Variants in GABRA5 observed in about 807,000 individuals in gnomAD.
GABRA5 encodes the protein gamma-aminobutyric acid type A receptor subunit alpha5.
GABRA5 carries 18 observed loss-of-function variants against 47.3 expected under a neutral mutation model. The ratio of observed to expected loss-of-function variants is 0.38; its 90% CI spans 0.26 to 0.56. The LOEUF is 0.56. Among genes scored for constraint, GABRA5 ranks in the 20% least tolerant of loss-of-function variants. The pLI, the probability that GABRA5 is intolerant of heterozygous loss-of-function variation, is 0.71. For synonymous variants in GABRA5, 237 were observed against 229.3 expected (o/e 1.03, Z -0.30); for missense variants, 365 against 599.3 (o/e 0.61, Z 4.08).
intron 6 of GABRA5, among the ~76,000 whole-genome samples, chr15:26,890,341 C>T (rs1256633777): frequency 6.6e-6 from 1 of 152,130 alleles, no homozygotes; most frequent in East Asian, 1.9e-4. Flanking sequence ...AAATTTCTGC[C>T]CATTTTGCTA....
At chr15:26,875,884 C>T (rs1042573928) in intron 3 of GABRA5, among the ~76,000 whole-genome samples, 13 of 152,016 alleles carry the variant, frequency 8.6e-5, no homozygotes, top group African/African-American at 2.9e-4. Flanking sequence ...GTGACTTAAA[C>T]GTTGAAGCTC....
At chr15:26,918,925 G>A (rs532690108) in intron 7 of GABRA5, among the ~76,000 whole-genome samples, 3 of 152,156 alleles carry the variant, frequency 2.0e-5, no homozygotes, top group Non-Finnish European at 4.4e-5. Context: ...GATTGCTTGA[G>A]CCCAGGAGTT....
chr15:26,939,886 C>T, intron 8 of GABRA5, 39 bp from the exon 9 acceptor site: 1 of 1,610,132 alleles, frequency 6.2e-7, no homozygotes, highest in Non-Finnish European at 8.5e-7. Flanking sequence ...CAAGCAGAGA[C>T]TCTAGGGGAC....
chr15:26,892,135 C>G (rs1405708115), intron 6 of GABRA5, among the ~76,000 whole-genome samples: 1 of 152,256 alleles, frequency 6.6e-6, no homozygotes, highest in African/African-American at 2.4e-5. Flanking sequence ...CAAAGTGTTT[C>G]CCGGTTGGCC....
At chr15:26,900,759 T>G (rs1893308125) in intron 6 of GABRA5, among the ~76,000 whole-genome samples, 1 of 152,062 alleles carries the variant, frequency 6.6e-6, no homozygotes. Flanking sequence ...TGGCGTACAT[T>G]CTGTGTGTTC....
At chr15:26,895,869 G>GT (rs963463883) in intron 6 of GABRA5, among the ~76,000 whole-genome samples, 2 of 150,922 alleles carry the variant, frequency 1.3e-5, no homozygotes, top group Non-Finnish European at 2.9e-5. Flanking sequence ...AGTGAAAAGA[G>GT]TTTTTTTCAC....
chr15:26,915,237 C>T (rs936053689), intron 7 of GABRA5, among the ~76,000 whole-genome samples: 2 of 152,134 alleles, frequency 1.3e-5, no homozygotes, highest in Non-Finnish European at 2.9e-5. Flanking sequence ...TGACCAGTGC[C>T]CAGTACTCAG....
rs748043500 is a variant in GABRA5, at chr15:26,900,810, A to G, written c.498-13993A>G. ...GACATGTACTCACCATTACGATATC[A>G]CAGGAGTATTTTTGTTGCTCTAAAA... On this transcript the variant is annotated intron_variant, in intron 6 of 10. Transcript: ENST00000335625. Among the ~76,000 whole-genome samples the G allele has an allele frequency of 7.9e-5, 12 of 152,248 alleles. 1 individual carries two copies. The South Asian group carries it at 1.7e-3, about 21-fold the overall frequency.
chr15:26,916,031 G>A (rs1175802106), intron 7 of GABRA5, among the ~76,000 whole-genome samples: 2 of 152,106 alleles, frequency 1.3e-5, no homozygotes, highest in African/African-American at 4.8e-5. Context: ...CTTTCACCAT[G>A]TAATGCCTAT....
At chr15:26,884,841 T>C (rs1350660907) in intron 6 of GABRA5, among the ~76,000 whole-genome samples, 3 of 152,264 alleles carry the variant, frequency 2.0e-5, no homozygotes, top group Non-Finnish European at 4.4e-5. Flanking sequence ...ATCCTGCTGC[T>C]GTGCACTTGT....
intron 6 of GABRA5, among the ~76,000 whole-genome samples, chr15:26,901,670 G>T (rs1340182924): frequency 6.6e-6 from 1 of 151,986 alleles, no homozygotes; most frequent in Non-Finnish European, 1.5e-5. Context: ...ATGAAATTTG[G>T]CTTATGAATT....
chr15:26,917,374 A>G (rs945194996), intron 7 of GABRA5, among the ~76,000 whole-genome samples: 33 of 152,214 alleles, frequency 2.2e-4, no homozygotes, highest in African/African-American at 7.5e-4. Flanking sequence ...GATGTATTAC[A>G]TCAATTGATT....
At chr15:26,913,323 T>C in intron 6 of GABRA5, among the ~76,000 whole-genome samples, 1 of 152,194 alleles carries the variant, frequency 6.6e-6, no homozygotes, top group Middle Eastern at 3.2e-3. Flanking sequence ...CAACAGAAGA[T>C]TTCGTATCTT....
At chr15:26,909,178 G>A (rs932957804) in intron 6 of GABRA5, among the ~76,000 whole-genome samples, 2 of 152,034 alleles carry the variant, frequency 1.3e-5, no homozygotes, top group African/African-American at 4.8e-5. Context: ...CCTCTGGAGG[G>A]GCCAGATTCC....
chr15:26,933,682 C>A (rs1894163053), intron 7 of GABRA5, among the ~76,000 whole-genome samples: 2 of 152,180 alleles, frequency 1.3e-5, no homozygotes, highest in Non-Finnish European at 2.9e-5. Flanking sequence ...TGTATCTTCA[C>A]TGGTACCTGG....
chr15:26,942,918 T>C (rs1894418573), intron 9 of GABRA5, among the ~76,000 whole-genome samples: 1 of 152,108 alleles, frequency 6.6e-6, no homozygotes, highest in Non-Finnish European at 1.5e-5. Flanking sequence ...ACCTCGTCTC[T>C]ATTAAAAATA....
At chr15:26,894,233 C>A (rs1462597719) in intron 6 of GABRA5, among the ~76,000 whole-genome samples, 1 of 152,188 alleles carries the variant, frequency 6.6e-6, no homozygotes, top group East Asian at 1.9e-4. Flanking sequence ...CGTATTCCCG[C>A]GAATCCACTA....
chr15:26,874,256 G>A (rs1194770061), intron 3 of GABRA5, among the ~76,000 whole-genome samples: 1 of 152,076 alleles, frequency 6.6e-6, no homozygotes, highest in Non-Finnish European at 1.5e-5. Context: ...GTATATGAGT[G>A]TATCATATAC....
intron 6 of GABRA5, among the ~76,000 whole-genome samples, chr15:26,888,308 G>C (rs80256359): frequency 6.6e-6 from 1 of 152,128 alleles, no homozygotes; most frequent in Non-Finnish European, 1.5e-5. Context: ...TGCCTATAAA[G>C]TACTGAACAA....
Sources: gnomAD v4.1 joint callset for allele counts (sites outside exome capture counted in the v4.1 genomes callset) on GRCh38, gnomAD v4.1.1 for gene constraint, MANE v1.5 for transcripts, NCBI Gene and HGNC (gene_info 2026-07-23, HGNC 2026-07-21) for gene names.